CCDC102B: variants seen among roughly 807,000 people sequenced by gnomAD.
CCDC102B encodes coiled-coil domain-containing protein 102B.
Under a neutral mutation model 57.4 loss-of-function variants are expected in CCDC102B, and 75 were observed. That is an observed-to-expected ratio of 1.31 (90% CI 1.08 to 1.58). The LOEUF is 1.58. Ranked by LOEUF, CCDC102B falls within the 40% of genes most tolerant of loss-of-function variation. The pLI is 0.00. For synonymous variants in CCDC102B, 206 were observed against 201.9 expected (o/e 1.02, Z -0.17); for missense variants, 636 against 582.6 (o/e 1.09, Z -0.94).
intron 6 of CCDC102B, among the ~76,000 whole-genome samples, chr18:68,930,448 G>C (rs1401693227): frequency 6.6e-6 from 1 of 151,806 alleles, no homozygotes; most frequent in African/African-American, 2.4e-5. Context: ...GAAAATCAGT[G>C]ACCAGCACCT....
At chr18:68,939,447 A>T (rs1403428946) in intron 6 of CCDC102B, among the ~76,000 whole-genome samples, 1 of 151,752 alleles carries the variant, frequency 6.6e-6, no homozygotes, top group Non-Finnish European at 1.5e-5. Flanking sequence ...TATTCCAAAC[A>T]TCATTCTTGA....
At chr18:68,819,263 G>T (rs2036605406) in intron 1 of CCDC102B, among the ~76,000 whole-genome samples, 1 of 151,956 alleles carries the variant, frequency 6.6e-6, no homozygotes, top group African/African-American at 2.4e-5. Flanking sequence ...CATTCTATTG[G>T]GAACTGACTG....
At chr18:68,781,203 A>C (rs1402689220) in intron 2 of CCDC102B, among the ~76,000 whole-genome samples, 2 of 152,142 alleles carry the variant, frequency 1.3e-5, no homozygotes, top group African/African-American at 4.8e-5. Context: ...TGTGAGTGGT[A>C]GTCTTCTTTG....
intron 6 of CCDC102B, among the ~76,000 whole-genome samples, chr18:68,948,908 T>C (rs777599503): frequency 2.6e-5 from 4 of 152,102 alleles, no homozygotes; most frequent in African/African-American, 7.2e-5. Flanking sequence ...TAGGAGTTTA[T>C]TAAGTATTAA....
At chr18:69,035,032 A>G (rs995633722) in intron 7 of CCDC102B, among the ~76,000 whole-genome samples, 4 of 152,022 alleles carry the variant, frequency 2.6e-5, no homozygotes, top group Non-Finnish European at 5.9e-5. Flanking sequence ...TAATTTATTT[A>G]TAAGCAAGCA....
chr18:68,891,053 C>T (rs1426250258), intron 5 of CCDC102B, among the ~76,000 whole-genome samples: 2 of 152,058 alleles, frequency 1.3e-5, no homozygotes, highest in Non-Finnish European at 2.9e-5. Flanking sequence ...GTGATTGTCC[C>T]TTTTCTTAAC....
intron 2 of CCDC102B, among the ~76,000 whole-genome samples, chr18:68,749,760 C>T (rs1420738493): frequency 6.6e-6 from 1 of 152,110 alleles, no homozygotes; most frequent in Non-Finnish European, 1.5e-5. Context: ...TAATTGAATA[C>T]CCTTTCTTTC....
chr18:68,809,112 A>G (rs1285773789), intron 1 of CCDC102B, among the ~76,000 whole-genome samples: 1 of 152,328 alleles, frequency 6.6e-6, no homozygotes, highest in East Asian at 1.9e-4. Context: ...CATTAATAAA[A>G]GCATATCATT....
At chr18:68,920,822 A>C (rs1476586710) in intron 6 of CCDC102B, among the ~76,000 whole-genome samples, 3 of 152,116 alleles carry the variant, frequency 2.0e-5, no homozygotes, top group South Asian at 2.1e-4. Flanking sequence ...AACTGACCTC[A>C]TGATTCAACC....
intron 6 of CCDC102B, among the ~76,000 whole-genome samples, chr18:69,003,437 C>G (rs1427146444): frequency 6.6e-6 from 1 of 152,062 alleles, no homozygotes; most frequent in Non-Finnish European, 1.5e-5. Flanking sequence ...TGCTTCTCCT[C>G]AACTCTCTAC....
At chr18:68,910,468 A>C (rs757867229) in intron 6 of CCDC102B, among the ~76,000 whole-genome samples, 3 of 152,186 alleles carry the variant, frequency 2.0e-5, no homozygotes, top group Non-Finnish European at 4.4e-5. Flanking sequence ...AAGGCATAGC[A>C]GAATGATGTT....
chr18:68,716,519 T>A (rs550653357), intron 1 of CCDC102B: 82 of 152,348 alleles, frequency 5.4e-4, no homozygotes, highest in African/African-American at 1.8e-3. Context: ...TTATTTTTTT[T>A]AATTTCAGTA....
At chr18:68,797,055 G>T (rs570778439), upstream of CCDC102B, among the ~76,000 whole-genome samples, 1 of 151,986 alleles carries the variant, frequency 6.6e-6, no homozygotes, top group African/African-American at 2.4e-5. Context: ...TTAACATCAC[G>T]TGGGGAAAAT....
At chr18:68,863,646 C>G (rs1034377494) in intron 4 of CCDC102B, among the ~76,000 whole-genome samples, 5 of 151,910 alleles carry the variant, frequency 3.3e-5, no homozygotes, top group Non-Finnish European at 5.9e-5. Flanking sequence ...CCCAACCCCG[C>G]CATTTCTTTA....
chr18:68,941,335 A>T (rs1213829015), intron 6 of CCDC102B, among the ~76,000 whole-genome samples: 1 of 151,992 alleles, frequency 6.6e-6, no homozygotes, highest in Non-Finnish European at 1.5e-5. Flanking sequence ...AGCACAATTT[A>T]GGGGATATTA....
At chr18:68,828,822 A>T (rs1347498149) in intron 1 of CCDC102B, among the ~76,000 whole-genome samples, 2 of 151,746 alleles carry the variant, frequency 1.3e-5, no homozygotes, top group Non-Finnish European at 3.0e-5. Context: ...ATATTCTGTC[A>T]TGTCACTTCC....
intron 2 of CCDC102B, among the ~76,000 whole-genome samples, chr18:68,732,800 T>TA (rs1381026830): frequency 1.3e-5 from 2 of 152,176 alleles, no homozygotes; most frequent in Non-Finnish European, 2.9e-5. Flanking sequence ...ATCTATGTAT[T>TA]AAAAAACTAT....
chr18:68,867,903 C>A (rs1277802085), intron 4 of CCDC102B, among the ~76,000 whole-genome samples: 1 of 151,980 alleles, frequency 6.6e-6, no homozygotes, highest in South Asian at 2.1e-4. Flanking sequence ...CACTGCACTC[C>A]ATCCTGGGGC....
At chr18:68,989,311 A>C (rs987406672) in intron 6 of CCDC102B, among the ~76,000 whole-genome samples, 4 of 152,246 alleles carry the variant, frequency 2.6e-5, no homozygotes, top group African/African-American at 9.6e-5. Flanking sequence ...AATACTGTGA[A>C]AATGAAGATT....
Sources: allele counts gnomAD v4.1 joint callset (sites outside exome capture counted in the v4.1 genomes callset), GRCh38; gene constraint gnomAD v4.1.1; transcripts MANE v1.5; gene names NCBI Gene and HGNC (gene_info 2026-07-23, HGNC 2026-07-21).